Variants in NRXN3 observed in about 807,000 individuals in gnomAD.
NRXN3 encodes neurexin 3.
NRXN3 carries 32 observed loss-of-function variants against 137.6 expected under a neutral mutation model. The observed-to-expected ratio is 0.23, with a 90% confidence interval of 0.18 to 0.31. The LOEUF (loss-of-function observed/expected upper bound fraction) is 0.31. Among genes scored for constraint, NRXN3 ranks in the 10% least tolerant of loss-of-function variants. The probability of loss-of-function intolerance (pLI) is 1.00; values close to 1 mark genes in which losing one functional copy is unlikely to be tolerated. For missense variants in NRXN3, 1,574 were observed against 2,062.5 expected (o/e 0.76, Z 4.59); for synonymous variants, 798 against 784.5 (o/e 1.02, Z -0.29).
chr14:78,935,552 A>T (rs138910390), intron 10 of NRXN3, among the ~76,000 whole-genome samples: 1 of 152,306 alleles, frequency 6.6e-6, no homozygotes, highest in African/African-American at 2.4e-5. Context: ...TGAAAATGCT[A>T]TGTACACAGT....
rs58492725 is a variant in NRXN3 at position 79,819,482 on chromosome 14, C to CTTTTTTTTTTTTTTTTT, written c.4093+14296_4093+14312dup. On this transcript the variant is annotated intron_variant, in intron 20 of 20. Coordinates refer to ENST00000335750, the MANE Select transcript of NRXN3 (RefSeq NM_001330195.2). ...ATAGGATACAACAGGACATTAAAAG[C>CTTTTTTTTTTTTTTTTT]TTTTTTTTTTTTTTTTTTTTGAGAC... 8.3e-5 allele frequency among the ~76,000 whole-genome samples: 6 copies of CTTTTTTTTTTTTTTTTT among 71,908 alleles called. 1 individual carries two copies. Among genetic ancestry groups the CTTTTTTTTTTTTTTTTT allele is most frequent in the African/African-American group, 1.9e-4 (3 of 15,634 alleles). The allele number at this position is 71,908 out of a possible 152,430, so 47.2% of individuals were successfully genotyped here.
intron 15 of NRXN3, among the ~76,000 whole-genome samples, chr14:79,309,695 T>A (rs2086852204): frequency 6.9e-6 from 1 of 145,906 alleles, no homozygotes; most frequent in South Asian, 2.2e-4. Flanking sequence ...ATGATGAGCA[T>A]TTCTTCATGT....
intron 10 of NRXN3, among the ~76,000 whole-genome samples, chr14:78,889,243 C>T (rs1224591133): frequency 6.6e-6 from 1 of 151,944 alleles, no homozygotes; most frequent in Non-Finnish European, 1.5e-5. Flanking sequence ...GATTAATTCT[C>T]TGTAAATCCT....
At chr14:79,775,553 GAA>G (rs749252781) in intron 19 of NRXN3, among the ~76,000 whole-genome samples, 31 of 69,008 alleles carry the variant, frequency 4.5e-4, no homozygotes, top group South Asian at 5.3e-4. Flanking sequence ...GGCTCTAACC[GAA>G]AAAAAAAAAA....
chr14:78,335,900 G>A (rs2081406243), intron 4 of NRXN3, among the ~76,000 whole-genome samples: 1 of 152,202 alleles, frequency 6.6e-6, no homozygotes, highest in East Asian at 1.9e-4. Context: ...CATCGCTAAG[G>A]TAACCAGAAC....
At chr14:79,226,364 C>T (rs888749545) in intron 15 of NRXN3, among the ~76,000 whole-genome samples, 1 of 152,156 alleles carries the variant, frequency 6.6e-6, no homozygotes, top group Non-Finnish European at 1.5e-5. Flanking sequence ...GATATAAGAA[C>T]ATCAGACATA....
At chr14:79,635,920 T>C (rs2098400367) in intron 16 of NRXN3, among the ~76,000 whole-genome samples, 1 of 152,006 alleles carries the variant, frequency 6.6e-6, no homozygotes, top group Non-Finnish European at 1.5e-5. Context: ...TGAGATCTCA[T>C]GAGAACTCAC....
At chr14:78,466,520 G>A (rs2095111138) in intron 4 of NRXN3, among the ~76,000 whole-genome samples, 1 of 152,194 alleles carries the variant, frequency 6.6e-6, no homozygotes, top group Admixed American at 6.5e-5. Flanking sequence ...TAGAGTGTGG[G>A]CTAAAAGATG....
intron 6 of NRXN3, among the ~76,000 whole-genome samples, chr14:78,684,858 T>C (rs2098112181): frequency 6.6e-6 from 1 of 152,224 alleles, no homozygotes; most frequent in Admixed American, 6.5e-5. Context: ...AAGCTGAATT[T>C]GTGTAAGTTA....
intron 15 of NRXN3, among the ~76,000 whole-genome samples, chr14:79,097,358 C>T (rs1255296421): frequency 6.6e-6 from 1 of 152,162 alleles, no homozygotes; most frequent in Non-Finnish European, 1.5e-5. Context: ...GGCTCTGTAG[C>T]TTGGAAGAAA....
chr14:79,268,549 T>C (rs923553008), intron 15 of NRXN3, among the ~76,000 whole-genome samples: 2 of 152,206 alleles, frequency 1.3e-5, no homozygotes, highest in Non-Finnish European at 2.9e-5. Context: ...ATGGGCAAAG[T>C]TGGCTCATCA....
intron 17 of NRXN3, among the ~76,000 whole-genome samples, chr14:79,690,788 A>G (rs750366246): frequency 2.6e-5 from 4 of 152,116 alleles, no homozygotes; most frequent in Non-Finnish European, 5.9e-5. Context: ...TCCTCAGCCA[A>G]TAATGACTCC....
intron 7 of NRXN3, among the ~76,000 whole-genome samples, chr14:78,711,790 C>T (rs1432980722): frequency 6.6e-6 from 1 of 152,138 alleles, no homozygotes; most frequent in East Asian, 1.9e-4. Context: ...CTATTAAAAA[C>T]TTACTGAGTA....
chr14:79,618,590 A>G (rs1277582389), intron 16 of NRXN3, among the ~76,000 whole-genome samples: 2 of 151,974 alleles, frequency 1.3e-5, no homozygotes, highest in Non-Finnish European at 2.9e-5. Context: ...TTTTTATCCA[A>G]TCCACCATTG....
chr14:79,513,619 G>A (rs2096954111), intron 16 of NRXN3, among the ~76,000 whole-genome samples: 1 of 152,198 alleles, frequency 6.6e-6, no homozygotes, highest in African/African-American at 2.4e-5. Context: ...ATATGGGCTT[G>A]GATACAAATT....
At chr14:78,918,583 A>G (rs944810604) in intron 10 of NRXN3, among the ~76,000 whole-genome samples, 6 of 152,210 alleles carry the variant, frequency 3.9e-5, no homozygotes, top group African/African-American at 7.2e-5. Flanking sequence ...ACTGCTGAGC[A>G]TGCAAGTACC....
chr14:78,801,410 A>G (rs2098838506), intron 8 of NRXN3, among the ~76,000 whole-genome samples: 1 of 152,246 alleles, frequency 6.6e-6, no homozygotes, highest in Admixed American at 6.5e-5. Flanking sequence ...GGGAGGCCTC[A>G]GGAAACTTAC....
At chr14:78,381,575 T>C (rs2089125607) in intron 4 of NRXN3, among the ~76,000 whole-genome samples, 1 of 152,174 alleles carries the variant, frequency 6.6e-6, no homozygotes, top group South Asian at 2.1e-4. Flanking sequence ...GTCCTGGTCA[T>C]TTATCCCAGG....
intron 6 of NRXN3, among the ~76,000 whole-genome samples, chr14:78,700,211 A>C (rs1010627983): frequency 6.6e-6 from 1 of 152,222 alleles, no homozygotes; most frequent in South Asian, 2.1e-4. Context: ...GTACATTTAC[A>C]TGGGATTTTG....
Sources: gnomAD v4.1 joint callset for allele counts (sites outside exome capture counted in the v4.1 genomes callset) on GRCh38, gnomAD v4.1.1 for gene constraint, MANE v1.5 for transcripts, NCBI Gene and HGNC (gene_info 2026-07-23, HGNC 2026-07-21) for gene names.